The following MGA variants were observed in gnomAD, a reference collection of about 807,000 sequenced individuals.
The protein encoded by MGA is MAX gene-associated protein.
MGA carries 40 observed loss-of-function variants against 261.1 expected under a neutral mutation model. The observed-to-expected ratio is 0.15, with a 90% CI of 0.12 to 0.20. The LOEUF (loss-of-function observed/expected upper bound fraction) is 0.20, where lower values mean the gene tolerates loss of function less well. Among genes scored for constraint, MGA ranks in the 10% least tolerant of loss-of-function variants. The pLI, the probability that MGA is intolerant of heterozygous loss-of-function variation, is 1.00. For missense variants in MGA, 3,397 were observed against 3,630.5 expected (o/e 0.94, Z 1.65); for synonymous variants, 1,302 against 1,290.6 (o/e 1.01, Z -0.19).
chr15:41,752,331 G>A (rs1434915740), intron 17 of MGA: 1 of 152,132 alleles, frequency 6.6e-6, no homozygotes, highest in Non-Finnish European at 1.5e-5. Context: ...GGATGATTCT[G>A]TATTCATTTG....
chr15:41,719,148 G>T (rs1055867432), intron 9 of MGA, among the ~76,000 whole-genome samples: 1 of 151,980 alleles, frequency 6.6e-6, no homozygotes, highest in African/African-American at 2.4e-5. Context: ...ATTTAAAATA[G>T]CATCCAACGA....
intron 2 of MGA, among the ~76,000 whole-genome samples, chr15:41,680,403 C>A (rs1025754153): frequency 1.3e-5 from 2 of 151,244 alleles, no homozygotes; most frequent in South Asian, 2.1e-4. Flanking sequence ...TTTAACCCCC[C>A]CTGATGCATT....
chr15:41,721,962 A>G (rs1259436610), intron 9 of MGA, among the ~76,000 whole-genome samples: 1 of 152,184 alleles, frequency 6.6e-6, no homozygotes, highest in Non-Finnish European at 1.5e-5. Context: ...AAACAGTAGT[A>G]TGAATATTCA....
Position 41,713,515 on chromosome 15 carries a change from T to C in MGA, c.3430+19T>C, listed in dbSNP as rs1012622637. The C allele has an allele frequency of 5.3e-6, 8 of 1,512,724 alleles. No homozygotes were observed. The Admixed American group carries it at 8.7e-5, about 16-fold the overall frequency. 93.7% of individuals were successfully genotyped at this position (1,512,724 alleles called of 1,614,324 possible). A position where few individuals can be genotyped will look rare whatever the true frequency, so the allele number is the denominator to read the frequency against. On this transcript the variant is annotated intron_variant, in intron 9 of 23. Coordinates refer to ENST00000219905, the MANE Select transcript of MGA (RefSeq NM_001164273.2). The stretch of plus-strand genomic sequence containing the variant: ...GAATACAGTGAGTATTAATTGAGAG[T>C]TAAAACTGTGCCATATCAGTTTTTG...
At chr15:41,684,106 C>T (rs970790188) in intron 2 of MGA, among the ~76,000 whole-genome samples, 2 of 152,116 alleles carry the variant, frequency 1.3e-5, no homozygotes, top group Non-Finnish European at 2.9e-5. Context: ...ATATTGTCTA[C>T]TTGTCTGTCT....
upstream of MGA, among the ~76,000 whole-genome samples, chr15:41,659,596 C>T (rs1258605022): frequency 6.6e-6 from 1 of 152,216 alleles, no homozygotes; most frequent in Non-Finnish European, 1.5e-5. Flanking sequence ...AGGAGAAATA[C>T]TGTCCATTGA....
chr15:41,719,833 G>C (rs1035691437), intron 9 of MGA, among the ~76,000 whole-genome samples: 6 of 151,806 alleles, frequency 4.0e-5, no homozygotes, highest in Non-Finnish European at 7.4e-5. Context: ...TTAGTGATTA[G>C]GGGTAGAAAT....
chr15:41,667,917 C>T (rs968960248), intron 1 of MGA, among the ~76,000 whole-genome samples: 12 of 152,174 alleles, frequency 7.9e-5, no homozygotes, highest in African/African-American at 2.6e-4. Flanking sequence ...GATTCTCATG[C>T]CTCAGCCTCC....
At chr15:41,660,803 C>T (rs1294993544) in intron 1 of MGA, among the ~76,000 whole-genome samples, 3 of 152,148 alleles carry the variant, frequency 2.0e-5, no homozygotes, top group African/African-American at 7.2e-5. Flanking sequence ...AGAGCGGCCA[C>T]GAGGCGGGAG....
chr15:41,690,316 C>T (rs1294655281), intron 2 of MGA, among the ~76,000 whole-genome samples: 1 of 152,200 alleles, frequency 6.6e-6, no homozygotes, highest in African/African-American at 2.4e-5. Flanking sequence ...GACATTACCA[C>T]ATTTTTTTTA....
chr15:41,663,484 A>ATTATTG (rs1555405339), intron 1 of MGA, among the ~76,000 whole-genome samples: 14 of 150,728 alleles, frequency 9.3e-5, no homozygotes, highest in Admixed American at 3.3e-4. Flanking sequence ...TATTATTATT[A>ATTATTG]TTGTTGTTGT....
chr15:41,626,753 T>G (rs1358438021), intron 1 of MGA, among the ~76,000 whole-genome samples: 1 of 152,160 alleles, frequency 6.6e-6, no homozygotes, highest in African/African-American at 2.4e-5. Context: ...AGTTTTAGAT[T>G]TATAGAAAAA....
chr15:41,665,284 A>G (rs1011272026), intron 1 of MGA, among the ~76,000 whole-genome samples: 13 of 152,206 alleles, frequency 8.5e-5, no homozygotes, highest in Admixed American at 7.9e-4. Context: ...ACCCACTTAC[A>G]CAGGAGTGGT....
At chr15:41,682,056 T>C (rs2058709596) in intron 2 of MGA, among the ~76,000 whole-genome samples, 1 of 152,026 alleles carries the variant, frequency 6.6e-6, no homozygotes, top group African/African-American at 2.4e-5. Context: ...TAGCTGGGAT[T>C]ACAGGCATGT....
intron 7 of MGA, among the ~76,000 whole-genome samples, chr15:41,708,608 C>T (rs533022975): frequency 7.9e-5 from 12 of 152,292 alleles, no homozygotes; most frequent in South Asian, 4.1e-4. Context: ...CGTGAGCTGC[C>T]GCGCCCAAGC....
At chr15:41,717,807 C>T (rs1399818733) in intron 9 of MGA, among the ~76,000 whole-genome samples, 1 of 151,896 alleles carries the variant, frequency 6.6e-6, no homozygotes, top group Non-Finnish European at 1.5e-5. Flanking sequence ...GACTGATAAC[C>T]CTTATGAACA....
In MGA at chr15:41,710,961, A is replaced by G; in HGVS notation, c.2696A>G (p.Lys899Arg). 1 of 1,613,980 alleles carries G rather than the reference A, an allele frequency of 6.2e-7. No homozygotes were observed. The highest frequency in any genetic ancestry group is 1.7e-5 in the Admixed American group (1 of 60,028). ...GTACCCCCTGTCTCTCGAAAGGCAAAGTCTCAAAACAGACAGGCAACTTTC... is the reference window on the plus strand; with the variant it reads ...GTACCCCCTGTCTCTCGAAAGGCAAGGTCTCAAAACAGACAGGCAACTTTC... The change falls in exon 8 of 24, where the codon AAG becomes AGG. Residue 899 changes from lysine to arginine, a missense_variant. By Grantham distance (26) the Lys-to-Arg change is conservative (BLOSUM62 2). This residue lies in a region of MGA where 519 missense variants were observed against 554.1 expected (regional missense o/e 0.94). Transcript: ENST00000219905.
At chr15:41,733,316 G>A (rs749912500) in intron 11 of MGA, among the ~76,000 whole-genome samples, 2 of 152,140 alleles carry the variant, frequency 1.3e-5, no homozygotes, top group Non-Finnish European at 2.9e-5. Context: ...TAAGGAAAGA[G>A]GGCAGTCTCT....
Position 41,684,679 on chromosome 15 carries a change from A to T in MGA, c.1065-11396A>T, listed in dbSNP as rs560611758. ...GTGCTAAATGAAAAGAAGATAAAAA[A>T]TTTTTTTCTACATTATGAGAGTTAT... On this transcript the variant is annotated intron_variant, in intron 2 of 23. Transcript: ENST00000219905. 25 of 183,242 alleles carry T rather than the reference A, an allele frequency of 1.4e-4. No homozygotes were observed. The East Asian group carries it at 1.9e-3, about 14-fold the overall frequency. 11.4% of individuals were successfully genotyped at this position (183,242 alleles called of 1,614,324 possible). A position where few individuals can be genotyped will look rare whatever the true frequency, so the allele number is the denominator to read the frequency against.
Sources: allele counts gnomAD v4.1 joint callset (sites outside exome capture counted in the v4.1 genomes callset), GRCh38; gene constraint gnomAD v4.1.1; regional missense constraint gnomAD v4.1.1; transcripts MANE v1.5; gene names NCBI Gene and HGNC (gene_info 2026-07-23, HGNC 2026-07-21).